The following CHRFAM7A variants were observed in gnomAD, a reference collection of about 807,000 sequenced individuals.
CHRFAM7A encodes the protein CHRNA7-FAM7A fusion protein.
Under a neutral mutation model 29.2 loss-of-function variants are expected in CHRFAM7A, and 3 were observed. The observed-to-expected ratio is 0.10, with a 90% CI of 0.05 to 0.27. CHRFAM7A has a LOEUF of 0.27. Ranked by LOEUF, CHRFAM7A falls within the 10% of genes least tolerant of loss-of-function variation. The pLI, the probability that CHRFAM7A is intolerant of heterozygous loss-of-function variation, is 1.00. For synonymous variants in CHRFAM7A, 7 were observed against 135.4 expected, an observed-to-expected ratio of 0.05 and a Z score of 6.58; for missense variants, 22 against 328.0, an observed-to-expected ratio of 0.07 and a Z score of 7.21.
upstream of CHRFAM7A, chr15:30,393,872 TG>T (rs2059014627): frequency 1.7e-5 from 1 of 59,134 alleles, no homozygotes; most frequent in Non-Finnish European, 3.5e-5. Context: ...TGTGTGTGTG[TG>T]TGTGTGTGTG....
In CHRFAM7A at chr15:30,377,663, C is replaced by T. The variant is rs2058947180; in HGVS notation, c.81-554G>A. On this transcript the variant is annotated intron_variant, in intron 4 of 9. Coordinates refer to ENST00000299847, the MANE Select transcript of CHRFAM7A (RefSeq NM_139320.2). ...GATCTCGGCTCACTGCAAGCTCCAC[C>T]TCCTGGGTTCATGTCATCCTCCTGC... is the stretch of plus-strand genomic sequence containing the variant. Among the ~76,000 whole-genome samples, 3 of 138,894 alleles carry T rather than the reference C, an allele frequency of 2.2e-5. 1 individual carries two copies. Among genetic ancestry groups the T allele is most frequent in the Non-Finnish European group, 4.7e-5 (3 of 64,112 alleles). 91.1% of individuals were successfully genotyped at this position (138,894 alleles called of 152,430 possible).
chr15:30,374,656 C>G lies in CHRFAM7A; in HGVS notation c.161-1511G>C, dbSNP rs1247448766. 5.5e-3 allele frequency among the ~76,000 whole-genome samples: 700 copies of G among 126,756 alleles called. 12 individuals are homozygous for G. The highest frequency in any genetic ancestry group is 0.01 in the Admixed American group (125 of 11,932). The allele number at this position is 126,756 out of a possible 152,430, so 83.2% of individuals were successfully genotyped here. A position where few individuals can be genotyped will look rare whatever the true frequency, so the allele number is the denominator to read the frequency against. ...ATCTTTGTGGGGTGATGGGAATGTTCTAAAACTAGACTGTGGTAATGGTTG... is the reference window on the plus strand; with the variant it reads ...ATCTTTGTGGGGTGATGGGAATGTTGTAAAACTAGACTGTGGTAATGGTTG... On this transcript the variant is annotated intron_variant, in intron 5 of 9. Coordinates refer to ENST00000299847, the MANE Select transcript of CHRFAM7A (RefSeq NM_139320.2).
rs143168789 is a variant in CHRFAM7A at position 30,367,472 on chromosome 15, C to T, written c.666G>A (p.Val222=). Residue 222 remains valine, a synonymous_variant, in exon 9 of 10, where the codon GTG becomes GTA. Transcript: ENST00000299847. The stretch of plus-strand genomic sequence containing the variant: ...CGTGGTGGTGGTACTGCAGCACGAT[C>T]ACCGTCACCACCACCGAGAGGCCCA... ...IIVGLSVVVT[V]IVLQYHHHDP... 11 of 1,606,616 alleles carry T rather than the reference C, an allele frequency of 6.8e-6. No individual in the cohort carries two copies. The African/African-American group carries it at 1.5e-4, about 22-fold the overall frequency.
intron 7 of CHRFAM7A, among the ~76,000 whole-genome samples, chr15:30,371,515 A>G (rs529800048): frequency 2.9e-4 from 44 of 149,706 alleles, no homozygotes; most frequent in African/African-American, 1.1e-3. Flanking sequence ...CGTAGCAGGA[A>G]AAAGAAAATA....
chr15:30,376,245 T>G (rs1483866115), intron 5 of CHRFAM7A, among the ~76,000 whole-genome samples: 125 of 141,406 alleles, frequency 8.8e-4, no homozygotes, highest in African/African-American at 2.8e-3. Context: ...TGAGTGGTAG[T>G]TAGGTGTGGA....
Position 30,373,077 on chromosome 15 carries a change from TCA to T in CHRFAM7A, c.227_228del (p.Leu76GlnfsTer41), listed in dbSNP as rs201490160. On this transcript the variant is annotated frameshift_variant, in exon 6 of 10. Coordinates refer to ENST00000299847, the MANE Select transcript of CHRFAM7A (RefSeq NM_139320.2). LOFTEE classifies it high-confidence loss of function. ...CCTCCGTAAGACCAGGACCCAAACT[TCA>T]GTTTGCAGTGCTGCACATCAAAGGG... ...WFPFDVQHCKLKFGSWSYGGW... is the reference protein window; with the variant it reads ...WFPFDVQHCKXKFGSWSYGGW... 568,631 of 1,539,850 alleles carry T rather than the reference TCA, an allele frequency of 0.37. 66,808 individuals carry two copies. The highest frequency in any genetic ancestry group is 0.68 in the East Asian group (29,937 of 43,704).
intron 9 of CHRFAM7A, among the ~76,000 whole-genome samples, 195 bp downstream of exon 9, chr15:30,367,223 T>C (rs2058796684): frequency 6.6e-6 from 1 of 150,978 alleles, no homozygotes; most frequent in Non-Finnish European, 1.5e-5. Flanking sequence ...GAGGTGGAGG[T>C]TGCAGTGAGC....
chr15:30,375,765 TGAGTG>T (rs1459169186), intron 5 of CHRFAM7A, among the ~76,000 whole-genome samples: 10 of 148,768 alleles, frequency 6.7e-5, no homozygotes, highest in Non-Finnish European at 1.2e-4. Context: ...TATATTTGTG[TGAGTG>T]GTGTGTGAGT....
rs555653289 is a variant in CHRFAM7A, at chr15:30,363,313, C to G, written c.721-502G>C. Among the ~76,000 whole-genome samples, 58 of 148,502 alleles carry G rather than the reference C, an allele frequency of 3.9e-4. 1 individual carries two copies. Among genetic ancestry groups the G allele is most frequent in the African/African-American group, 1.4e-3 (54 of 39,628 alleles). On this transcript the variant is annotated intron_variant, in intron 9 of 9. Coordinates refer to ENST00000299847, the MANE Select transcript of CHRFAM7A (RefSeq NM_139320.2). ...CACCAGGTAAACTTGAAGCTTGAAG[C>G]AGTTCAGGCTTCCAACATCAGATTA... is the stretch of plus-strand genomic sequence containing the variant.
chr15:30,376,963 AGACT>A, intron 5 of CHRFAM7A, 63 bp downstream of exon 5: 2 of 65,620 alleles, frequency 3.0e-5, no homozygotes, highest in Non-Finnish European at 2.6e-5. Context: ...GGCACCGGCC[AGACT>A]GACTGACACC....
At chr15:30,393,877 GTGTGTGTCTA>G (rs1224886361), upstream of CHRFAM7A, 1,206 of 59,922 alleles carry the variant, frequency 0.02, 78 homozygotes, top group Middle Eastern at 0.049. Flanking sequence ...GTGTGTGTGT[GTGTGTGTCTA>G]TGTGTGTGTG....
chr15:30,375,884 G>C (rs1219642909), intron 5 of CHRFAM7A, among the ~76,000 whole-genome samples: 1 of 55,100 alleles, frequency 1.8e-5, no homozygotes, highest in African/African-American at 5.2e-5. Flanking sequence ...TGTGTGTTGA[G>C]TCGTGTGGGT....
upstream of CHRFAM7A, chr15:30,393,698 T>C (rs1288092805): frequency 2.4e-4 from 2 of 8,242 alleles, no homozygotes; most frequent in African/African-American, 3.3e-4. Flanking sequence ...GCCCCTCACC[T>C]CTTACCCCTC....
At chr15:30,376,199 A>G (rs140169570) in intron 5 of CHRFAM7A, among the ~76,000 whole-genome samples, 1 of 16,980 alleles carries the variant, frequency 5.9e-5, no homozygotes, top group South Asian at 2.0e-3. Flanking sequence ...AGTGGCTGTG[A>G]GTGGTTGTGA....
intron 8 of CHRFAM7A, among the ~76,000 whole-genome samples, chr15:30,368,262 TAAGA>T (rs1165488579): frequency 1.4e-5 from 2 of 148,078 alleles, no homozygotes; most frequent in Non-Finnish European, 3.0e-5. Flanking sequence ...TGATTTATAA[TAAGA>T]AATATGTATT....
chr15:30,372,458 A>AT (rs2058872569), intron 6 of CHRFAM7A, 117 bp from the exon 7 acceptor site: 1 of 265,876 alleles, frequency 3.8e-6, no homozygotes, highest in East Asian at 4.7e-5. Flanking sequence ...TGCTAAAAAA[A>AT]AAAAAGGGGG....
rs967851841 is a variant in CHRFAM7A at position 30,371,487 on chromosome 15, T to G, written c.524-303A>C. Among the ~76,000 whole-genome samples, 20 of 148,660 alleles carry G rather than the reference T, an allele frequency of 1.3e-4. 1 individual carries two copies. The highest frequency in any genetic ancestry group is 4.5e-4 in the African/African-American group (18 of 39,816). ...ATCTTTCATATTCTCTGTAAAATAT[T>G]ATTGAGAAGTAGTTTCACGTAGCAG... On this transcript the variant is annotated intron_variant, in intron 7 of 9. Coordinates refer to ENST00000299847, the MANE Select transcript of CHRFAM7A (RefSeq NM_139320.2).
chr15:30,371,006 G>T (rs141190056), intron 8 of CHRFAM7A, 92 bp downstream of exon 8: 1 of 1,394,422 alleles, frequency 7.2e-7, no homozygotes, highest in Non-Finnish European at 1.0e-6. Flanking sequence ...CAGTGCAGCC[G>T]TATTTCTTCT....
chr15:30,367,556 C>T (rs774820330), intron 8 of CHRFAM7A, 29 bp from the exon 9 acceptor site: 2 of 1,596,040 alleles, frequency 1.3e-6, no homozygotes, highest in African/African-American at 2.7e-5. Context: ...CAGGGTGAGA[C>T]CCGGGGATCC....
Sources: gnomAD v4.1 joint callset for allele counts (sites outside exome capture counted in the v4.1 genomes callset) on GRCh38, gnomAD v4.1.1 for gene constraint, MANE v1.5 for transcripts, NCBI Gene and HGNC (gene_info 2026-07-23, HGNC 2026-07-21) for gene names.